SMURF2: variants seen among roughly 807,000 people sequenced by gnomAD.
SMURF2 encodes the protein SMAD specific E3 ubiquitin protein ligase 2.
In SMURF2, 48 loss-of-function variants were observed where a neutral mutation model predicts 109.6. The ratio of observed to expected loss-of-function variants is 0.44; its 90% CI spans 0.35 to 0.56. The LOEUF (loss-of-function observed/expected upper bound fraction) is 0.56, where lower values mean the gene tolerates loss of function less well. SMURF2 is among the 20% of genes least tolerant of loss of function. SMURF2 has a pLI of 0.01. For missense variants in SMURF2, 575 were observed against 909.0 expected, an observed-to-expected ratio of 0.63 and a Z score of 4.72; for synonymous variants, 288 against 317.1, an observed-to-expected ratio of 0.91 and a Z score of 0.97.
intron 9 of SMURF2, among the ~76,000 whole-genome samples, chr17:64,577,740 A>C (rs1555686194): frequency 6.6e-6 from 1 of 151,516 alleles, no homozygotes. Flanking sequence ...GGACCACAAC[A>C]GATGTGCTCT....
chr17:64,551,491 A>C, intron 16 of SMURF2, 93 bp downstream of exon 16: 1 of 1,366,184 alleles, frequency 7.3e-7, no homozygotes, highest in South Asian at 1.3e-5. Context: ...CTTAGAAAGC[A>C]CCAGAAATAT....
At chr17:64,655,999 T>A (rs772382396) in intron 1 of SMURF2, among the ~76,000 whole-genome samples, 1 of 152,146 alleles carries the variant, frequency 6.6e-6, no homozygotes, top group Non-Finnish European at 1.5e-5. Context: ...ATAACTAATA[T>A]AACTGAAAAG....
intron 2 of SMURF2, among the ~76,000 whole-genome samples, chr17:64,601,747 A>G (rs1969899648): frequency 1.3e-5 from 2 of 152,048 alleles, no homozygotes; most frequent in Non-Finnish European, 2.9e-5. Flanking sequence ...ATACTTGCAC[A>G]CGCAGGTTTG....
At chr17:64,552,071 T>A (rs2040376451) in intron 15 of SMURF2, among the ~76,000 whole-genome samples, 1 of 152,216 alleles carries the variant, frequency 6.6e-6, no homozygotes, top group South Asian at 2.1e-4. Context: ...AAAAATGACT[T>A]ATTTTTCTGA....
At chr17:64,602,641 T>C (rs541164307) in intron 2 of SMURF2, among the ~76,000 whole-genome samples, 62 of 152,268 alleles carry the variant, frequency 4.1e-4, no homozygotes, top group African/African-American at 1.5e-3. Context: ...TTTTAAAAAA[T>C]TTCTCAGCCA....
intron 1 of SMURF2, among the ~76,000 whole-genome samples, chr17:64,616,110 G>A (rs781893497): frequency 3.3e-5 from 5 of 151,940 alleles, no homozygotes; most frequent in African/African-American, 9.7e-5. Flanking sequence ...GATTACAGGC[G>A]TCAGCCACCA....
chr17:64,654,130 G>A (rs1195495916), intron 1 of SMURF2, among the ~76,000 whole-genome samples: 2 of 152,094 alleles, frequency 1.3e-5, no homozygotes, highest in Non-Finnish European at 2.9e-5. Flanking sequence ...AAACTTTTTG[G>A]GAAGAAATGG....
At chr17:64,595,262 A>G (rs1555688001) in intron 3 of SMURF2, among the ~76,000 whole-genome samples, 1 of 152,236 alleles carries the variant, frequency 6.6e-6, no homozygotes, top group Admixed American at 6.5e-5. Flanking sequence ...AAAAATTATG[A>G]AATATATTGT....
rs1970796082 is a variant in SMURF2 at position 64,662,301 on chromosome 17, C to T, written c.-421G>A. On this transcript the variant is annotated 5_prime_UTR_variant, in exon 1 of 19. Coordinates refer to ENST00000262435, the MANE Select transcript of SMURF2 (RefSeq NM_022739.4). ...GGCCGCTTCCTCCTCCACCCGCCCT[C>T]TTGTCTGAGGGACCCGGGACCTGGG... 2 of 975,442 alleles carry T rather than the reference C, an allele frequency of 2.1e-6. No individual in the cohort carries two copies. Among genetic ancestry groups the T allele is most frequent in the Non-Finnish European group, 2.4e-6 (2 of 822,642 alleles). 60.4% of individuals were successfully genotyped at this position (975,442 alleles called of 1,614,324 possible).
At chr17:64,593,688 G>C in intron 3 of SMURF2, 115 bp from the exon 4 acceptor site, 1 of 836,990 alleles carries the variant, frequency 1.2e-6, no homozygotes, top group Non-Finnish European at 1.7e-6. Context: ...AATCTGGCTA[G>C]ATTATGCAAA....
At chr17:64,553,071 C>G (rs548184717) in intron 15 of SMURF2, among the ~76,000 whole-genome samples, 1 of 152,198 alleles carries the variant, frequency 6.6e-6, no homozygotes, top group Admixed American at 6.5e-5. Flanking sequence ...AAAAATCAAA[C>G]ATTAACTATG....
At chr17:64,577,682 A>C (rs908825426) in intron 9 of SMURF2, among the ~76,000 whole-genome samples, 2 of 150,928 alleles carry the variant, frequency 1.3e-5, no homozygotes, top group African/African-American at 4.9e-5. Context: ...TGCAGCTTCA[A>C]CCTCCATGGC....
At position 64,581,837 on chromosome 17, in the gene SMURF2, C is replaced by T. The variant is rs923093579; in HGVS notation, c.570-846G>A. On this transcript the variant is annotated intron_variant, in intron 7 of 18. Coordinates refer to ENST00000262435, the MANE Select transcript of SMURF2 (RefSeq NM_022739.4). The surrounding 1 kb of genome is among the most constrained non-coding windows in gnomAD (Gnocchi z 4.3). Reference sequence around the variant, plus strand: ...GCGGGCGCCTGTAGTCCCAGCTACTCGGGAGGCTGAGGTACGAGAATTGCT... The same window carrying T: ...GCGGGCGCCTGTAGTCCCAGCTACTTGGGAGGCTGAGGTACGAGAATTGCT... 2.6e-5 allele frequency among the ~76,000 whole-genome samples: 4 copies of T among 151,468 alleles called. No homozygotes were observed. The highest frequency in any genetic ancestry group is 9.7e-5 in the African/African-American group (4 of 41,168).
At chr17:64,583,966 AG>A (rs1969611606) in intron 6 of SMURF2, among the ~76,000 whole-genome samples, 1 of 152,072 alleles carries the variant, frequency 6.6e-6, no homozygotes, top group Middle Eastern at 3.2e-3. Context: ...TCCGGCCAAA[AG>A]CTTTTCAAAG....
chr17:64,592,705 C>A (rs1476166220), intron 4 of SMURF2, among the ~76,000 whole-genome samples: 2 of 151,950 alleles, frequency 1.3e-5, no homozygotes, highest in Non-Finnish European at 2.9e-5. Flanking sequence ...ACAAAAAAAA[C>A]CTGTTGAAAA....
At chr17:64,659,604 C>T (rs1361274046) in intron 1 of SMURF2, among the ~76,000 whole-genome samples, 1 of 151,108 alleles carries the variant, frequency 6.6e-6, no homozygotes, top group African/African-American at 2.4e-5. Context: ...AGTTGGGCAC[C>T]AGCTCCAGAC....
chr17:64,557,109 A>AAC (rs1329896804), intron 13 of SMURF2, among the ~76,000 whole-genome samples: 1 of 152,222 alleles, frequency 6.6e-6, no homozygotes, highest in Non-Finnish European at 1.5e-5. Context: ...TGTAGTTGAT[A>AAC]GAGTTGTAGA....
chr17:64,636,774 G>A lies in SMURF2; in HGVS notation c.52+25055C>T, dbSNP rs558211409. 1.2e-4 allele frequency among the ~76,000 whole-genome samples: 18 copies of A among 146,380 alleles called. No homozygotes were observed. In the South Asian group the frequency reaches 3.7e-3, roughly 30 times the overall value. On this transcript the variant is annotated intron_variant, in intron 1 of 18. Transcript: ENST00000262435. ...TGCCTAGGCGACAGAGCAAGACTCC[G>A]CCTCAAAAAAAGAAAAAAAAAAAAA...
chr17:64,587,024 G>A (rs1180442227), intron 5 of SMURF2, among the ~76,000 whole-genome samples: 1 of 151,550 alleles, frequency 6.6e-6, no homozygotes, highest in Non-Finnish European at 1.5e-5. Flanking sequence ...TTAGCCGGGT[G>A]AGGAACTATG....
Sources: gnomAD v4.1 joint callset for allele counts (sites outside exome capture counted in the v4.1 genomes callset) on GRCh38, gnomAD v4.1.1 for gene constraint, Gnocchi (gnomAD v3.1) non-coding constraint, MANE v1.5 for transcripts, NCBI Gene and HGNC (gene_info 2026-07-23, HGNC 2026-07-21) for gene names.